DLC1: variants seen among roughly 807,000 people sequenced by gnomAD.
The protein encoded by DLC1 is DLC1 Rho GTPase activating protein, also known as rho GTPase-activating protein 7.
DLC1 carries 54 observed loss-of-function variants against 140.3 expected under a neutral mutation model. The ratio of observed to expected loss-of-function variants is 0.38; its 90% CI spans 0.31 to 0.48. The LOEUF (loss-of-function observed/expected upper bound fraction) is 0.48. Among genes scored for constraint, DLC1 ranks in the 20% least tolerant of loss-of-function variants. The pLI, the probability that DLC1 is intolerant of heterozygous loss-of-function variation, is 0.96. For missense variants in DLC1, 2,536 were observed against 1,907.0 expected, an observed-to-expected ratio of 1.33 and a Z score of -6.14; for synonymous variants, 986 against 728.1, an observed-to-expected ratio of 1.35 and a Z score of -5.70.
At chr8:13,445,022 GAC>G (rs1451075426) in intron 2 of DLC1, among the ~76,000 whole-genome samples, 3 of 151,998 alleles carry the variant, frequency 2.0e-5, no homozygotes, top group Non-Finnish European at 4.4e-5. Context: ...AGGTAGGAGA[GAC>G]AGAGATTGAG....
intron 2 of DLC1, among the ~76,000 whole-genome samples, chr8:13,409,439 G>A (rs371177275): frequency 3.8e-4 from 58 of 152,166 alleles, no homozygotes; most frequent in African/African-American, 1.3e-3. Context: ...CAAATAAAAC[G>A]ATAGGATGTC....
chr8:13,591,124 T>C (rs1212885728), intron 1 of DLC1, among the ~76,000 whole-genome samples: 1 of 152,052 alleles, frequency 6.6e-6, no homozygotes, highest in Non-Finnish European at 1.5e-5. Context: ...GAGGTGAATT[T>C]TTCCTCAAAG....
chr8:13,238,588 A>G (rs907124936), intron 5 of DLC1, among the ~76,000 whole-genome samples: 13 of 150,198 alleles, frequency 8.7e-5, no homozygotes, highest in African/African-American at 2.7e-4. Flanking sequence ...TAGGGAAGTT[A>G]TCAGTACCCT....
At chr8:13,496,401 T>C (rs1005006544) in intron 2 of DLC1, among the ~76,000 whole-genome samples, 2 of 152,170 alleles carry the variant, frequency 1.3e-5, no homozygotes, top group African/African-American at 2.4e-5. Context: ...TCATACATAA[T>C]TCTGTGATCT....
At chr8:13,380,797 G>C (rs1442191569) in intron 4 of DLC1, among the ~76,000 whole-genome samples, 2 of 152,208 alleles carry the variant, frequency 1.3e-5, no homozygotes, top group East Asian at 3.9e-4. Flanking sequence ...CCAAGCTGCA[G>C]AGCTTGCAAG....
intron 4 of DLC1, among the ~76,000 whole-genome samples, chr8:13,374,327 C>A (rs868088875): frequency 1.1e-4 from 16 of 152,048 alleles, no homozygotes; most frequent in Middle Eastern, 3.4e-3. Flanking sequence ...TATTGATAAA[C>A]AATAGAATTT....
chr8:13,478,458 G>C (rs1481696), intron 2 of DLC1, among the ~76,000 whole-genome samples: 126,418 of 152,154 alleles, frequency 0.83, 53,606 homozygotes, highest in Middle Eastern at 0.92. Context: ...CTATGTCAGT[G>C]CATATTCTTC....
At chr8:13,370,438 C>T (rs1457557406) in intron 4 of DLC1, among the ~76,000 whole-genome samples, 1 of 152,104 alleles carries the variant, frequency 6.6e-6, no homozygotes, top group African/African-American at 2.4e-5. Flanking sequence ...CACTTGTGTG[C>T]TCATCTCATG....
chr8:13,144,400 T>G (rs557200918), intron 5 of DLC1, among the ~76,000 whole-genome samples: 1 of 152,152 alleles, frequency 6.6e-6, no homozygotes, highest in Middle Eastern at 3.2e-3. Flanking sequence ...GCTTCCTTGG[T>G]TCTCCACCTT....
intron 16 of DLC1, among the ~76,000 whole-genome samples, chr8:13,087,545 C>T (rs115477464): frequency 0.016 from 2,366 of 152,210 alleles, 62 homozygotes; most frequent in African/African-American, 0.053. Flanking sequence ...ATTACATGCA[C>T]GAAGACACTG....
rs1818895653 is a variant in DLC1 at position 13,100,001 on chromosome 8, A to G, written c.2336T>C (p.Phe779Ser). The stretch of plus-strand genomic sequence containing the variant: ...AAATGTTGACTGATTGAAAGGATCG[A>G]AGCCCTCTAAGTACATGCCCACCCG... ...NKRVGMYLEG[F>S]DPFNQSTFNN... is the part of the protein sequence containing the mutation. Residue 779 changes from phenylalanine to serine, a missense_variant, in exon 9 of 18, where the codon TTC becomes TCC. Phe to Ser is a radical substitution (Grantham distance 155). Coordinates refer to ENST00000276297, the MANE Select transcript of DLC1 (RefSeq NM_182643.3). 2.5e-6 allele frequency: 4 copies of G among 1,612,542 alleles called. No homozygotes were observed. The highest frequency in any genetic ancestry group is 3.3e-4 in the Middle Eastern group (2 of 6,062).
intron 2 of DLC1, among the ~76,000 whole-genome samples, chr8:13,459,378 T>C (rs934115438): frequency 1.3e-5 from 2 of 152,206 alleles, no homozygotes; most frequent in Non-Finnish European, 2.9e-5. Context: ...AAGCCATGGC[T>C]TTCTTCCTGA....
In DLC1 at chr8:13,303,657, C is replaced by G. The variant is rs575313416; in HGVS notation, c.1348+1612G>C. Among the ~76,000 whole-genome samples the G allele has an allele frequency of 7.2e-5, 11 of 152,016 alleles. 1 individual carries two copies. The highest frequency in any genetic ancestry group is 6.6e-4 in the Admixed American group (10 of 15,248). On this transcript the variant is annotated intron_variant, in intron 5 of 17. Transcript: ENST00000276297. Reference sequence around the variant, plus strand: ...TCTCTACTAAAAATACGAAAGTTAGCCTGGTGTGGTGGCGCAGGCATGTAA... The same window carrying G: ...TCTCTACTAAAAATACGAAAGTTAGGCTGGTGTGGTGGCGCAGGCATGTAA...
At position 13,285,032 on chromosome 8, in the gene DLC1, T is replaced by A. The variant is rs2117439826; in HGVS notation, c.1348+20237A>T. Among the ~76,000 whole-genome samples the A allele has an allele frequency of 2.0e-5, 3 of 152,318 alleles. No homozygotes were observed. The South Asian group carries it at 6.2e-4, about 32-fold the overall frequency. Reference sequence around the variant, plus strand: ...TCTGTTTGTTTAACTGACAAGTTGATTCTAATGTATATGGAAATACAAAAG... The same window carrying A: ...TCTGTTTGTTTAACTGACAAGTTGAATCTAATGTATATGGAAATACAAAAG... On this transcript the variant is annotated intron_variant, in intron 5 of 17. Transcript: ENST00000276297.
At chr8:13,420,511 T>C (rs951161690) in intron 2 of DLC1, among the ~76,000 whole-genome samples, 1 of 152,126 alleles carries the variant, frequency 6.6e-6, no homozygotes, top group Non-Finnish European at 1.5e-5. Context: ...ATTTAGATTT[T>C]AAGTCTCGCA....
rs112107876 is a variant in DLC1, at chr8:13,298,946, A to G, written c.1348+6323T>C. ...ATGGGCTGCTATGTAGCCTGACAAA[A>G]TTTGTGAAGTGTTCTTTGATTTAAT... On this transcript the variant is annotated intron_variant, in intron 5 of 17. Transcript: ENST00000276297. Among the ~76,000 whole-genome samples, 12 of 152,238 alleles carry G rather than the reference A, an allele frequency of 7.9e-5. 1 individual carries two copies. The highest frequency in any genetic ancestry group is 2.9e-4 in the African/African-American group (12 of 41,540).
intron 4 of DLC1, among the ~76,000 whole-genome samples, chr8:13,319,252 T>C (rs1480153512): frequency 1.3e-5 from 2 of 152,250 alleles, no homozygotes; most frequent in Non-Finnish European, 2.9e-5. Context: ...ACACCTGGTC[T>C]TAAACAGAAA....
At chr8:13,273,385 T>C (rs947290847) in intron 5 of DLC1, among the ~76,000 whole-genome samples, 3 of 152,128 alleles carry the variant, frequency 2.0e-5, no homozygotes, top group African/African-American at 7.2e-5. Context: ...GAAGACAGAG[T>C]ACCTTGGGGT....
intron 5 of DLC1, among the ~76,000 whole-genome samples, chr8:13,220,376 G>T (rs1881488): frequency 0.56 from 84,296 of 151,854 alleles, 24,064 homozygotes; most frequent in East Asian, 0.85. Flanking sequence ...GAGCAGCCTG[G>T]CTTGTGTAAC....
Sources: gnomAD v4.1 joint callset for allele counts (sites outside exome capture counted in the v4.1 genomes callset) on GRCh38, gnomAD v4.1.1 for gene constraint, MANE v1.5 for transcripts, NCBI Gene and HGNC (gene_info 2026-07-23, HGNC 2026-07-21) for gene names.